Variants in LGR4 observed in about 807,000 individuals in gnomAD.
LGR4 encodes the protein leucine-rich repeat-containing G protein-coupled receptor 4.
LGR4 carries 44 observed loss-of-function variants against 84.8 expected under a neutral mutation model. The observed-to-expected ratio is 0.52, with a 90% confidence interval of 0.41 to 0.67. The LOEUF (loss-of-function observed/expected upper bound fraction) is 0.67. Ranked by LOEUF, LGR4 falls within the 30% of genes least tolerant of loss-of-function variation. LGR4 has a pLI of 0.00. For synonymous variants in LGR4, 429 were observed against 434.3 expected, an observed-to-expected ratio of 0.99 and a Z score of 0.15; for missense variants, 1,032 against 1,131.4, an observed-to-expected ratio of 0.91 and a Z score of 1.26.
At chr11:27,438,049 A>G (rs1238184735) in intron 1 of LGR4, among the ~76,000 whole-genome samples, 1 of 152,058 alleles carries the variant, frequency 6.6e-6, no homozygotes, top group Non-Finnish European at 1.5e-5. Flanking sequence ...GAAACCATAG[A>G]GATGACCTAG....
At chr11:27,384,210 C>A in intron 6 of LGR4, 126 bp downstream of exon 6, 1 of 642,916 alleles carries the variant, frequency 1.6e-6, no homozygotes. Flanking sequence ...AGAATTTAAT[C>A]CAGTATCAAA....
chr11:27,393,009 G>C (rs1413869904), intron 2 of LGR4, among the ~76,000 whole-genome samples: 1 of 152,148 alleles, frequency 6.6e-6, no homozygotes, highest in Non-Finnish European at 1.5e-5. Context: ...AAAAGTGTGA[G>C]TCATTGAAAG....
At chr11:27,398,699 G>A (rs1003697681) in intron 2 of LGR4, among the ~76,000 whole-genome samples, 2 of 152,104 alleles carry the variant, frequency 1.3e-5, no homozygotes, top group Non-Finnish European at 2.9e-5. Context: ...AGAGGTTGAA[G>A]ACTAGATAAT....
intron 1 of LGR4, among the ~76,000 whole-genome samples, chr11:27,419,890 G>A (rs1863895395): frequency 6.6e-6 from 1 of 151,952 alleles, no homozygotes; most frequent in African/African-American, 2.4e-5. Context: ...TGAACCTATA[G>A]ACACAGAAAA....
intron 4 of LGR4, among the ~76,000 whole-genome samples, chr11:27,387,410 C>A (rs938755010): frequency 9.2e-5 from 14 of 152,158 alleles, no homozygotes; most frequent in Admixed American, 2.6e-4. Flanking sequence ...AGGGTAGTTA[C>A]TCAAAACGCA....
chr11:27,472,340 G>C lies in LGR4; in HGVS notation c.-38C>G, dbSNP rs936698792. 13 of 1,190,880 alleles carry C rather than the reference G, an allele frequency of 1.1e-5. No individual in the cohort carries two copies. The highest frequency in any genetic ancestry group is 1.4e-5 in the Non-Finnish European group (13 of 960,636). 73.8% of individuals were successfully genotyped at this position (1,190,880 alleles called of 1,614,324 possible). ...CTCCCGCGCCGGCCTCTCCCGCGGC[G>C]CTGCTCGCTCCGCTGCCCTCCGATG... is the stretch of plus-strand genomic sequence containing the variant. On this transcript the variant is annotated 5_prime_UTR_variant, in exon 1 of 18. Transcript: ENST00000379214.
At chr11:27,383,453 A>C (rs1415963482) in intron 6 of LGR4, among the ~76,000 whole-genome samples, 1 of 152,210 alleles carries the variant, frequency 6.6e-6, no homozygotes, top group Non-Finnish European at 1.5e-5. Context: ...ACACTTAGCA[A>C]AGGAGATCTG....
rs970901222 is a variant in LGR4 at position 27,472,567 on chromosome 11, G to C, written c.-265C>G. The stretch of plus-strand genomic sequence containing the variant: ...CGGCTCACGCCAGCCGGGCCGGCCC[G>C]GCGCAGCGGCGGGGGCCGCGCTCTG... On this transcript the variant is annotated 5_prime_UTR_variant, in exon 1 of 18. Transcript: ENST00000379214. 4 of 378,818 alleles carry C rather than the reference G, an allele frequency of 1.1e-5. No individual in the cohort carries two copies. Among genetic ancestry groups the C allele is most frequent in the Non-Finnish European group, 1.9e-5 (4 of 213,180 alleles). The allele number at this position is 378,818 out of a possible 1,614,324, so 23.5% of individuals were successfully genotyped here.
chr11:27,383,332 C>A (rs1407892426), intron 6 of LGR4, among the ~76,000 whole-genome samples: 1 of 152,068 alleles, frequency 6.6e-6, no homozygotes, highest in Non-Finnish European at 1.5e-5. Flanking sequence ...GAAACAATGG[C>A]AAATAAAAAT....
At chr11:27,431,204 T>C (rs1864110878) in intron 1 of LGR4, among the ~76,000 whole-genome samples, 1 of 152,204 alleles carries the variant, frequency 6.6e-6, no homozygotes, top group South Asian at 2.1e-4. Context: ...TCTCAGAAAG[T>C]GGTCCAATGT....
At chr11:27,469,197 A>G (rs978895645) in intron 1 of LGR4, among the ~76,000 whole-genome samples, 2 of 152,230 alleles carry the variant, frequency 1.3e-5, no homozygotes, top group Non-Finnish European at 2.9e-5. Context: ...TCCCATTCAC[A>G]GTACTGAGGA....
chr11:27,380,320 T>C lies in LGR4; in HGVS notation c.922A>G (p.Met308Val), dbSNP rs374994542. The C allele has an allele frequency of 3.1e-6, 5 of 1,611,104 alleles. No homozygotes were observed. The highest frequency in any genetic ancestry group is 2.2e-5 in the East Asian group (1 of 44,842). The change falls in exon 10 of 18, where the codon ATG becomes GTG. Residue 308 changes from methionine (M) to valine (V), a missense_variant. Met to Val is a conservative substitution (Grantham distance 21). Coordinates refer to ENST00000379214, the MANE Select transcript of LGR4 (RefSeq NM_018490.5). ...LHSLVIRGAS[M>V]VQQFPNLTGT... ...GTAAGATTGGGGAACTGCTGCACCA[T>C]GCTTGCACCACGAATGACTCTTTAT...
intron 2 of LGR4, among the ~76,000 whole-genome samples, chr11:27,404,249 C>A (rs1041071025): frequency 3.3e-5 from 5 of 152,182 alleles, no homozygotes; most frequent in African/African-American, 1.2e-4. Context: ...TAATACTGAA[C>A]CACTTGATTC....
intron 17 of LGR4, among the ~76,000 whole-genome samples, chr11:27,371,143 A>AATT (rs1452833712): frequency 4.5e-4 from 69 of 152,330 alleles, no homozygotes; most frequent in Middle Eastern, 3.4e-3. Flanking sequence ...TAAAATTATA[A>AATT]ATACATCTTC....
At chr11:27,386,020 A>T (rs186914869) in intron 4 of LGR4, among the ~76,000 whole-genome samples, 1 of 152,194 alleles carries the variant, frequency 6.6e-6, no homozygotes, top group South Asian at 2.1e-4. Context: ...AGTTAAAAAT[A>T]TAAGTGTCAT....
At position 27,367,803 on chromosome 11, in the gene LGR4, A is replaced by G; in HGVS notation, c.*64T>C. On this transcript the variant is annotated 3_prime_UTR_variant, in exon 18 of 18. Coordinates refer to ENST00000379214, the MANE Select transcript of LGR4 (RefSeq NM_018490.5). ...AAGTGCTTCCCAGATGAAAGATGAGAATAGGGTTCACTCTATAAACACTGA... is the reference window on the plus strand; with the variant it reads ...AAGTGCTTCCCAGATGAAAGATGAGGATAGGGTTCACTCTATAAACACTGA... The G allele has an allele frequency of 8.3e-7, 1 of 1,209,046 alleles. No homozygotes were observed. Among genetic ancestry groups the G allele is most frequent in the Non-Finnish European group, 1.2e-6 (1 of 857,642 alleles). The allele number at this position is 1,209,046 out of a possible 1,614,324, so 74.9% of individuals were successfully genotyped here.
At chr11:27,417,030 TG>T (rs1264238525) in intron 1 of LGR4, among the ~76,000 whole-genome samples, 6 of 152,304 alleles carry the variant, frequency 3.9e-5, no homozygotes, top group Admixed American at 6.5e-5. Flanking sequence ...GCATCCTTAC[TG>T]GGTCTGGGCC....
At chr11:27,431,251 T>G (rs1864111814) in intron 1 of LGR4, among the ~76,000 whole-genome samples, 1 of 152,220 alleles carries the variant, frequency 6.6e-6, no homozygotes, top group African/African-American at 2.4e-5. Flanking sequence ...AGGCACTTTC[T>G]TGTGCCCTAC....
Position 27,367,928 on chromosome 11 carries a change from T to TAGA in LGR4, c.2792_2794dup (p.Phe931dup). The TAGA allele has an allele frequency of 6.2e-7, 1 of 1,612,480 alleles. No individual in the cohort carries two copies. The highest frequency in any genetic ancestry group is 8.5e-7 in the Non-Finnish European group (1 of 1,179,574). On this transcript the variant is annotated inframe_insertion, in exon 18 of 18. Coordinates refer to ENST00000379214, the MANE Select transcript of LGR4 (RefSeq NM_018490.5). ...CACCAAAGGGAATCCTCTACTCTGG[T>TAGA]AGAAGCAGGCTCGTCCACAGGCCTG...
Sources: gnomAD v4.1 joint callset for allele counts (sites outside exome capture counted in the v4.1 genomes callset) on GRCh38, gnomAD v4.1.1 for gene constraint, MANE v1.5 for transcripts, NCBI Gene and HGNC (gene_info 2026-07-23, HGNC 2026-07-21) for gene names.